GIGYF2: variants seen among roughly 807,000 people sequenced by gnomAD.
GIGYF2 encodes GRB10-interacting GYF protein 2.
Under a neutral mutation model 208.1 loss-of-function variants are expected in GIGYF2, and 25 were observed. The ratio of observed to expected loss-of-function variants is 0.12; its 90% CI spans 0.09 to 0.17. The LOEUF (loss-of-function observed/expected upper bound fraction) is 0.17, where lower values mean the gene tolerates loss of function less well. Ranked by LOEUF, GIGYF2 falls within the 10% of genes least tolerant of loss-of-function variation. The probability of loss-of-function intolerance (pLI) is 1.00; values close to 1 mark genes in which losing one functional copy is unlikely to be tolerated. For missense variants in GIGYF2, 1,302 were observed against 1,579.4 expected, an observed-to-expected ratio of 0.82 and a Z score of 2.98; for synonymous variants, 534 against 543.8, an observed-to-expected ratio of 0.98 and a Z score of 0.25.
chr2:232,729,873 C>T (rs1003446539), intron 2 of GIGYF2: 7 of 736,978 alleles, frequency 9.5e-6, no homozygotes, highest in Admixed American at 1.8e-5. Context: ...CACTTTTCTC[C>T]TCCCATCAGC....
intron 27 of GIGYF2, among the ~76,000 whole-genome samples, chr2:232,848,209 G>A (rs1304313383): frequency 6.6e-6 from 1 of 152,062 alleles, no homozygotes; most frequent in Non-Finnish European, 1.5e-5. Flanking sequence ...CATTAACATT[G>A]AACTCACAAC....
rs761039750 is a variant in GIGYF2, at chr2:232,794,846, A to G, written c.1381A>G (p.Thr461Ala). Residue 461 changes from threonine (T) to alanine (A), a missense_variant, in exon 13 of 29, where the codon ACT becomes GCT. Thr to Ala is a moderately conservative substitution (Grantham distance 58, BLOSUM62 0). Coordinates refer to ENST00000373563, the MANE Select transcript of GIGYF2 (RefSeq NM_001103146.3). ...LPPPVPNPSP[T>A]LRPVETPVVG... ...ACCTCCTGTTCCCAATCCTAGTCCT[A>G]CTCTCCGGCCAGTTGAAACACCAGT... is the stretch of plus-strand genomic sequence containing the variant. 2.2e-5 allele frequency: 36 copies of G among 1,612,970 alleles called. No homozygotes were observed. Among genetic ancestry groups the G allele is most frequent in the Middle Eastern group, 1.6e-4 (1 of 6,078 alleles).
At chr2:232,733,874 G>A (rs973791665) in intron 2 of GIGYF2, among the ~76,000 whole-genome samples, 4 of 152,154 alleles carry the variant, frequency 2.6e-5, no homozygotes, top group African/African-American at 7.2e-5. Context: ...TGTTGGTACA[G>A]ACGCAATTAA....
chr2:232,854,462 C>T (rs949348504), intron 28 of GIGYF2, among the ~76,000 whole-genome samples: 2 of 152,114 alleles, frequency 1.3e-5, no homozygotes, highest in Admixed American at 1.3e-4. Flanking sequence ...CACTGCACTC[C>T]AGCCTGGGCG....
At chr2:232,851,430 CT>C (rs1448092316) in intron 28 of GIGYF2, among the ~76,000 whole-genome samples, 3 of 146,026 alleles carry the variant, frequency 2.1e-5, no homozygotes, top group African/African-American at 4.9e-5. Flanking sequence ...TTTTCTTTTT[CT>C]TTTTCTTTGA....
intron 1 of GIGYF2, among the ~76,000 whole-genome samples, chr2:232,697,632 C>T (rs1225875272): frequency 1.3e-5 from 2 of 152,246 alleles, no homozygotes; most frequent in Admixed American, 6.5e-5. Flanking sequence ...CGCTGAGGGC[C>T]CTGGCGCGTC....
At position 232,833,043 on chromosome 2, in the gene GIGYF2, C is replaced by G; in HGVS notation, c.2716C>G (p.Leu906Val). 1 of 1,558,582 alleles carries G rather than the reference C, an allele frequency of 6.4e-7. No homozygotes were observed. Among genetic ancestry groups the G allele is most frequent in the Non-Finnish European group, 8.7e-7 (1 of 1,150,876 alleles). Residue 906 changes from leucine (L) to valine (V), a missense_variant, in exon 22 of 29, where the codon CTC (leucine) becomes GTC (valine). Physicochemically the swap from Leu to Val is conservative, Grantham distance 32. This residue lies in a region of GIGYF2 where 701 missense variants were observed against 793.0 expected (regional missense o/e 0.88). Transcript: ENST00000373563. ...MRQRQQQQEA[L>V]RRLQQQQQQQ... is the part of the protein sequence containing the mutation. ...CCAGAGGCAGCAGCAGCAAGAGGCT[C>G]TCCGGAGGTTGCAGCAGCAGCAGCA...
At chr2:232,716,195 G>C (rs1191330644) in intron 2 of GIGYF2, among the ~76,000 whole-genome samples, 1 of 151,942 alleles carries the variant, frequency 6.6e-6, no homozygotes, top group Non-Finnish European at 1.5e-5. Context: ...TCCCCCTCAT[G>C]TTTGGACTTT....
At chr2:232,786,848 G>A (rs970716431) in intron 8 of GIGYF2, among the ~76,000 whole-genome samples, 6 of 152,122 alleles carry the variant, frequency 3.9e-5, no homozygotes, top group African/African-American at 1.2e-4. Context: ...ACTTGGTGAT[G>A]GTTCCTTCTG....
At chr2:232,763,059 G>A (rs1698812133) in intron 8 of GIGYF2, among the ~76,000 whole-genome samples, 1 of 152,016 alleles carries the variant, frequency 6.6e-6, no homozygotes, top group African/African-American at 2.4e-5. Flanking sequence ...GAGGAAATTG[G>A]GAACAGACTA....
At position 232,807,056 on chromosome 2, in the gene GIGYF2, TC is replaced by T. The variant is rs144135626; in HGVS notation, c.1806+400del. Among the ~76,000 whole-genome samples the T allele has an allele frequency of 8.0e-3, 1,211 of 152,308 alleles. 14 individuals carry two copies. The highest frequency in any genetic ancestry group is 0.027 in the African/African-American group (1,121 of 41,548). On this transcript the variant is annotated intron_variant, in intron 15 of 28. Transcript: ENST00000373563. ...TCAACACAGTTGACCTCTTTGACTT[TC>T]TTTGCTTCCTCTAGTTAGAATAAAC...
At position 232,844,111 on chromosome 2, in the gene GIGYF2, A is replaced by G. The variant is rs1384549624; in HGVS notation, c.2955A>G (p.Lys985=). Residue 985 remains lysine, a synonymous_variant, in exon 24 of 29, where the codon AAA becomes AAG. Coordinates refer to ENST00000373563, the MANE Select transcript of GIGYF2 (RefSeq NM_001103146.3). The part of the protein sequence containing the change: ...LQQQQQQQQQ[K]LSGWGNVSKP... ...AGCAGCAGCAACAGCAACAGCAGAA[A>G]CTCTCAGGTTGGGGGAATGTCAGCA... is the stretch of plus-strand genomic sequence containing the variant. The G allele has an allele frequency of 3.1e-6, 5 of 1,601,754 alleles. No individual in the cohort carries two copies. The highest frequency in any genetic ancestry group is 4.3e-6 in the Non-Finnish European group (5 of 1,172,882).
At chr2:232,850,973 A>G (rs1690291897) in intron 28 of GIGYF2, among the ~76,000 whole-genome samples, 1 of 152,148 alleles carries the variant, frequency 6.6e-6, no homozygotes, top group South Asian at 2.1e-4. Context: ...GGATGCTGGG[A>G]TTTCAAGGCA....
chr2:232,780,934 A>G (rs1429717734), intron 8 of GIGYF2, among the ~76,000 whole-genome samples: 1 of 151,972 alleles, frequency 6.6e-6, no homozygotes. Flanking sequence ...TGACTTTAAT[A>G]TTTATTATTT....
At chr2:232,740,199 T>G (rs966210470) in intron 3 of GIGYF2, among the ~76,000 whole-genome samples, 1 of 152,154 alleles carries the variant, frequency 6.6e-6, no homozygotes, top group African/African-American at 2.4e-5. Context: ...GGCATGCACC[T>G]GTAGTCCCAG....
At position 232,791,272 on chromosome 2, in the gene GIGYF2, A is replaced by G. The variant is rs776043508; in HGVS notation, c.1108A>G (p.Thr370Ala). The part of the protein sequence containing the change: ...DRVGVEASEE[T>A]PQTSSSSARP... ...TCGTGTTCCAGAAGCTAGTGAGGAA[A>G]CTCCCCAGACCTCATCATCATCTGC... The change falls in exon 12 of 29, where the codon ACT (threonine) becomes GCT (alanine). Residue 370 changes from threonine to alanine, a missense_variant. Thr to Ala is a moderately conservative substitution (Grantham distance 58, BLOSUM62 0). This residue lies in a region of GIGYF2 where 235 missense variants were observed against 218.8 expected (regional missense o/e 1.07). Transcript: ENST00000373563. The G allele has an allele frequency of 2.1e-5, 34 of 1,613,476 alleles. No individual in the cohort carries two copies. In the Admixed American group the frequency reaches 5.7e-4, roughly 27 times the overall value.
chr2:232,778,997 T>G (rs2106350961), intron 8 of GIGYF2, among the ~76,000 whole-genome samples: 1 of 152,298 alleles, frequency 6.6e-6, no homozygotes, highest in East Asian at 1.9e-4. Flanking sequence ...CTCCCTGTGC[T>G]TGCTGTTCCC....
At position 232,776,882 on chromosome 2, in the gene GIGYF2, G is replaced by A. The variant is rs543867425; in HGVS notation, c.533-10268G>A. 1.7e-4 allele frequency: 27 copies of A among 159,396 alleles called. No homozygotes were observed. In the South Asian group the frequency reaches 4.2e-3, roughly 25 times the overall value. 9.9% of individuals were successfully genotyped at this position (159,396 alleles called of 1,614,324 possible). The stretch of plus-strand genomic sequence containing the variant: ...AAATTCCCTGCAAGATTTTTCAGCC[G>A]TCTTTCCTTATATAGCATGTTGAAG... On this transcript the variant is annotated intron_variant, in intron 8 of 28. Coordinates refer to ENST00000373563, the MANE Select transcript of GIGYF2 (RefSeq NM_001103146.3).
Position 232,794,852 on chromosome 2 carries a change from C to T in GIGYF2, c.1387C>T (p.Arg463Trp), listed in dbSNP as rs115337999. The T allele has an allele frequency of 1.1e-5, 17 of 1,613,744 alleles. No homozygotes were observed. The highest frequency in any genetic ancestry group is 6.7e-5 in the East Asian group (3 of 44,880). ...TGTTCCCAATCCTAGTCCTACTCTC[C>T]GGCCAGTTGAAACACCAGTTGTAGG... The part of the protein sequence containing the change: ...PPVPNPSPTL[R>W]PVETPVVGAP... The change falls in exon 13 of 29, where the codon CGG becomes TGG. Residue 463 changes from arginine (R) to tryptophan (W), a missense_variant. Transcript: ENST00000373563.
Sources: gnomAD v4.1 joint callset for allele counts (sites outside exome capture counted in the v4.1 genomes callset) on GRCh38, gnomAD v4.1.1 for gene constraint, gnomAD v4.1.1 regional missense constraint, MANE v1.5 for transcripts, NCBI Gene and HGNC (gene_info 2026-07-23, HGNC 2026-07-21) for gene names.